The following PKHD1L1 variants were observed in gnomAD, a reference collection of about 807,000 sequenced individuals.
The protein encoded by PKHD1L1 is fibrocystin-L.
Under a neutral mutation model 462.9 loss-of-function variants are expected in PKHD1L1, and 434 were observed. The observed-to-expected ratio is 0.94, with a 90% confidence interval of 0.87 to 1.02. PKHD1L1 has a LOEUF of 1.02. Ranked by LOEUF, PKHD1L1 falls within the 50% of genes least tolerant of loss-of-function variation. The pLI is 0.00. For synonymous variants in PKHD1L1, 1,781 were observed against 1,750.0 expected, an observed-to-expected ratio of 1.02 and a Z score of -0.44; for missense variants, 5,202 against 5,096.1, an observed-to-expected ratio of 1.02 and a Z score of -0.63.
At chr8:109,485,006 A>T (rs765677443) in intron 57 of PKHD1L1, 38 bp from the exon 58 acceptor site, 4 of 1,506,486 alleles carry the variant, frequency 2.7e-6, no homozygotes, top group Middle Eastern at 1.8e-4. Context: ...ATCTATTTTT[A>T]AAATTGTTCT....
intron 36 of PKHD1L1, 82 bp downstream of exon 36, chr8:109,443,198 T>A: frequency 7.5e-7 from 1 of 1,326,008 alleles, no homozygotes; most frequent in Non-Finnish European, 1.1e-6. Flanking sequence ...AGCAGATAAC[T>A]GGGTCTAACT....
intron 5 of PKHD1L1, 30 bp downstream of exon 5, chr8:109,384,157 T>C (rs760355610): frequency 1.4e-6 from 2 of 1,481,050 alleles, no homozygotes; most frequent in South Asian, 2.3e-5. Flanking sequence ...AAATAACTTT[T>C]GGTTTCATGG....
intron 1 of PKHD1L1, among the ~76,000 whole-genome samples, chr8:109,362,936 G>C (rs1231978510): frequency 1.3e-5 from 2 of 152,136 alleles, no homozygotes; most frequent in Admixed American, 1.3e-4. Context: ...TCTCCCACCG[G>C]CACCCACAAA....
At chr8:109,403,807 G>A (rs918506095) in intron 14 of PKHD1L1, among the ~76,000 whole-genome samples, 33 of 152,112 alleles carry the variant, frequency 2.2e-4, no homozygotes, top group African/African-American at 7.7e-4. Flanking sequence ...GTTGAGTGAT[G>A]TGAGACAATT....
In PKHD1L1 at chr8:109,438,912, C is replaced by A; in HGVS notation, c.3776C>A (p.Thr1259Lys). 6.2e-7 allele frequency: 1 copy of A among 1,601,892 alleles called. No individual in the cohort carries two copies. The highest frequency in any genetic ancestry group is 8.5e-7 in the Non-Finnish European group (1 of 1,173,792). Residue 1259 changes from threonine to lysine, a missense_variant, in exon 32 of 78, where the codon ACA (threonine) becomes AAA (lysine). Coordinates refer to ENST00000378402, the MANE Select transcript of PKHD1L1 (RefSeq NM_177531.6). ...VRTILGEVNL[T>K]IKGYNFGNEL... ...AAAATACCAGGAGAAGTTAATTTAACAATTAAGGGCTATAATTTTGGAAAT... is the reference window on the plus strand; with the variant it reads ...AAAATACCAGGAGAAGTTAATTTAAAAATTAAGGGCTATAATTTTGGAAAT...
intron 46 of PKHD1L1, among the ~76,000 whole-genome samples, chr8:109,458,158 C>G (rs964383617): frequency 1.3e-5 from 2 of 151,984 alleles, no homozygotes; most frequent in Non-Finnish European, 2.9e-5. Context: ...TGTTTTCTTT[C>G]TTTAAACACC....
intron 67 of PKHD1L1, among the ~76,000 whole-genome samples, chr8:109,501,611 A>G (rs530571876): frequency 6.6e-6 from 1 of 152,348 alleles, no homozygotes; most frequent in South Asian, 2.1e-4. Flanking sequence ...TGGGTCAGAC[A>G]TTATGTAGTA....
chr8:109,399,388 A>T (rs1175946249), intron 12 of PKHD1L1, among the ~76,000 whole-genome samples: 1 of 152,098 alleles, frequency 6.6e-6, no homozygotes, highest in Non-Finnish European at 1.5e-5. Flanking sequence ...CTAAAGGAAG[A>T]AGTAAGCCTA....
At chr8:109,520,688 C>T (rs1296714032) in intron 73 of PKHD1L1, among the ~76,000 whole-genome samples, 2 of 152,086 alleles carry the variant, frequency 1.3e-5, no homozygotes, top group Non-Finnish European at 2.9e-5. Context: ...CTCCTGGCTC[C>T]TTATAGCTTT....
chr8:109,473,409 G>T (rs538829094), intron 50 of PKHD1L1, among the ~76,000 whole-genome samples: 7 of 151,936 alleles, frequency 4.6e-5, no homozygotes, highest in Admixed American at 1.3e-4. Context: ...CCAGCTACTT[G>T]GGAGGTTGAG....
chr8:109,409,859 A>G lies in PKHD1L1; in HGVS notation c.1972-6A>G, dbSNP rs772658703. 2.0e-6 allele frequency: 3 copies of G among 1,537,490 alleles called. No individual in the cohort carries two copies. The highest frequency in any genetic ancestry group is 1.2e-5 in the South Asian group (1 of 83,420). On this transcript the variant is annotated splice_polypyrimidine_tract_variant and splice_region_variant and intron_variant, in intron 18 of 77. Transcript: ENST00000378402. ...GAAGTTACTAATGTTTATATTGTTA[A>G]TTTAGTTTCAGGGAGCAGTGGAAGA... is the stretch of plus-strand genomic sequence containing the variant.
rs371357326 is a variant in PKHD1L1 at position 109,479,536 on chromosome 8, C to A, written c.9090-15C>A. On this transcript the variant is annotated splice_polypyrimidine_tract_variant and intron_variant, in intron 53 of 77. Transcript: ENST00000378402. ...CAAGTAGTAATTCATGGAAGTATTT[C>A]TCTTCTCTTTTCAGTTTATGGTCAA... 2.8e-6 allele frequency: 4 copies of A among 1,429,420 alleles called. No homozygotes were observed. Among genetic ancestry groups the A allele is most frequent in the South Asian group, 1.2e-5 (1 of 80,708 alleles). 88.5% of individuals were successfully genotyped at this position (1,429,420 alleles called of 1,614,324 possible). A position where few individuals can be genotyped will look rare whatever the true frequency, so the allele number is the denominator to read the frequency against.
rs989560248 is a variant in PKHD1L1 at position 109,530,978 on chromosome 8, G to A, written c.*888G>A. On this transcript the variant is annotated 3_prime_UTR_variant, in exon 78 of 78. Coordinates refer to ENST00000378402, the MANE Select transcript of PKHD1L1 (RefSeq NM_177531.6). ...TGCAAAAAAGCTACAGACTAAGGTA[G>A]CTAAGTTAACCGAACTCTCTAACAG... 4.6e-5 allele frequency among the ~76,000 whole-genome samples: 7 copies of A among 152,192 alleles called. No individual in the cohort carries two copies. The highest frequency in any genetic ancestry group is 1.7e-4 in the African/African-American group (7 of 41,456).
rs1816054462 is a variant in PKHD1L1 at position 109,445,135 on chromosome 8, C to CCAAA, written c.5268_5271dup (p.Ser1758LysfsTer12). Reference sequence around the variant, plus strand: ...CACTCCTTACATAACAGGAGTCTTCCCAAACTCTGTCATAGGATCTGTAAA... The same window carrying CCAAA: ...CACTCCTTACATAACAGGAGTCTTCCCAAACAAACTCTGTCATAGGATCTGTAAA... On this transcript the variant is annotated frameshift_variant, in exon 38 of 78. Coordinates refer to ENST00000378402, the MANE Select transcript of PKHD1L1 (RefSeq NM_177531.6). LOFTEE classifies it high-confidence loss of function. 6.2e-7 allele frequency: 1 copy of CCAAA among 1,613,766 alleles called. No individual in the cohort carries two copies. Among genetic ancestry groups the CCAAA allele is most frequent in the Admixed American group, 1.7e-5 (1 of 59,986 alleles).
At chr8:109,504,631 A>G in intron 68 of PKHD1L1, 139 bp downstream of exon 68, 1 of 514,892 alleles carries the variant, frequency 1.9e-6, no homozygotes. Context: ...ATGAAAATTA[A>G]GACCATTTAA....
chr8:109,483,049 G>A lies in PKHD1L1; in HGVS notation c.9520G>A (p.Glu3174Lys). 6.2e-7 allele frequency: 1 copy of A among 1,601,566 alleles called. No individual in the cohort carries two copies. The highest frequency in any genetic ancestry group is 2.3e-5 in the East Asian group (1 of 44,060). The change falls in exon 57 of 78, where the codon GAA becomes AAA. Residue 3174 changes from glutamate to lysine, a missense_variant. Glu to Lys is a moderately conservative substitution (Grantham distance 56). This residue lies in a region of PKHD1L1 where 4,497 missense variants were observed against 4,336.8 expected (regional missense o/e 1.04). Coordinates refer to ENST00000378402, the MANE Select transcript of PKHD1L1 (RefSeq NM_177531.6). ...PHSIYKTKLS[E>K]TAFAGSKVLS... ...TTCAATATATAAAACTAAGCTCTCA[G>A]AAACTGCATTTGCAGGTTCCAAAGT... is the stretch of plus-strand genomic sequence containing the variant.
At chr8:109,523,817 A>T (rs1820684013) in intron 76 of PKHD1L1, among the ~76,000 whole-genome samples, 1 of 152,216 alleles carries the variant, frequency 6.6e-6, no homozygotes, top group Non-Finnish European at 1.5e-5. Context: ...CAAGAGAGAA[A>T]ATGAGCATTA....
intron 1 of PKHD1L1, among the ~76,000 whole-genome samples, chr8:109,364,066 C>G (rs2130283244): frequency 6.6e-6 from 1 of 152,356 alleles, no homozygotes; most frequent in Middle Eastern, 3.4e-3. Context: ...CACACTCCCT[C>G]ACAGAAAATA....
intron 65 of PKHD1L1, 96 bp downstream of exon 65, chr8:109,497,368 ATCT>A: frequency 7.2e-7 from 1 of 1,390,796 alleles, no homozygotes; most frequent in Non-Finnish European, 9.7e-7. Flanking sequence ...CTTAACTTCT[ATCT>A]CTGTCTCGCC....
Sources: gnomAD v4.1 joint callset for allele counts (sites outside exome capture counted in the v4.1 genomes callset) on GRCh38, gnomAD v4.1.1 for gene constraint, gnomAD v4.1.1 regional missense constraint, MANE v1.5 for transcripts, NCBI Gene and HGNC (gene_info 2026-07-23, HGNC 2026-07-21) for gene names.